PBRM1: variants seen among roughly 807,000 people sequenced by gnomAD.
The protein encoded by PBRM1 is protein polybromo-1.
In PBRM1, 27 loss-of-function variants were observed where a neutral mutation model predicts 194.5. That is an observed-to-expected ratio of 0.14 (90% confidence interval 0.10 to 0.19). The LOEUF is 0.19. PBRM1 is among the 10% of genes least tolerant of loss of function. The pLI is 1.00. For missense variants in PBRM1, 1,466 were observed against 2,077.2 expected (o/e 0.71, Z 5.72); for synonymous variants, 655 against 693.2 (o/e 0.94, Z 0.87).
intron 6 of PBRM1, among the ~76,000 whole-genome samples, chr3:52,649,501 G>A (rs1014053857): frequency 2.6e-5 from 4 of 152,214 alleles, no homozygotes; most frequent in African/African-American, 4.8e-5. Flanking sequence ...CAAAGAGGCT[G>A]TGCATGATCT....
At chr3:52,564,940 T>G (rs909564095) in intron 22 of PBRM1, among the ~76,000 whole-genome samples, 2 of 152,190 alleles carry the variant, frequency 1.3e-5, no homozygotes, top group Non-Finnish European at 2.9e-5. Context: ...GGCTCATGCC[T>G]GTAATCCCAG....
chr3:52,636,789 A>T (rs896756619), intron 10 of PBRM1, among the ~76,000 whole-genome samples: 6 of 145,762 alleles, frequency 4.1e-5, no homozygotes, highest in African/African-American at 7.6e-5. Flanking sequence ...AAAAAAAAGA[A>T]TTTAATTAGG....
chr3:52,582,774 G>A (rs2091568799), intron 20 of PBRM1, among the ~76,000 whole-genome samples: 1 of 151,838 alleles, frequency 6.6e-6, no homozygotes, highest in African/African-American at 2.4e-5. Context: ...ACTACCATTG[G>A]AGCATATTCT....
intron 20 of PBRM1, 100 bp downstream of exon 22, chr3:52,586,325 T>C: frequency 6.0e-6 from 6 of 995,086 alleles, no homozygotes; most frequent in Non-Finnish European, 9.0e-6. Flanking sequence ...AGGTTTTGTG[T>C]TGTTGCTCTT....
intron 11 of PBRM1, 56 bp downstream of exon 12, chr3:52,634,546 G>T: frequency 8.8e-7 from 1 of 1,133,864 alleles, no homozygotes; most frequent in Non-Finnish European, 1.3e-6. Context: ...TACATTATGT[G>T]CAGGCTCAGC....
intron 11 of PBRM1, among the ~76,000 whole-genome samples, chr3:52,630,343 A>G (rs1162114573): frequency 6.6e-6 from 1 of 152,166 alleles, no homozygotes; most frequent in Non-Finnish European, 1.5e-5. Context: ...TCCTTCTGCC[A>G]ATAGATCTTC....
At chr3:52,594,201 G>A (rs1258252835) in intron 17 of PBRM1, among the ~76,000 whole-genome samples, 1 of 152,116 alleles carries the variant, frequency 6.6e-6, no homozygotes, top group Non-Finnish European at 1.5e-5. Flanking sequence ...TTTTTATTGT[G>A]TGGGAGTGTA....
intron 3 of PBRM1, among the ~76,000 whole-genome samples, chr3:52,664,106 T>C (rs2096780527): frequency 6.7e-6 from 1 of 150,112 alleles, no homozygotes; most frequent in African/African-American, 2.4e-5. Context: ...CCTGTAGTCC[T>C]AGCTACTTAG....
chr3:52,568,569 T>A (rs1055829144), intron 22 of PBRM1, among the ~76,000 whole-genome samples: 8 of 152,186 alleles, frequency 5.3e-5, no homozygotes, highest in Non-Finnish European at 1.0e-4. Flanking sequence ...TCTTTTGGTA[T>A]CTTTGTTGTT....
chr3:52,626,131 T>C (rs1174728392), intron 13 of PBRM1, among the ~76,000 whole-genome samples: 1 of 152,198 alleles, frequency 6.6e-6, no homozygotes, highest in Non-Finnish European at 1.5e-5. Context: ...GCAGTAGAGT[T>C]ACATATTTAC....
chr3:52,669,699 T>A (rs1360631379), intron 2 of PBRM1, among the ~76,000 whole-genome samples: 2 of 152,220 alleles, frequency 1.3e-5, no homozygotes, highest in Non-Finnish European at 2.9e-5. Context: ...AAATTATTTT[T>A]AAATTTGTAT....
At chr3:52,682,809 G>A (rs1352032698), upstream of PBRM1, among the ~76,000 whole-genome samples, 2 of 152,142 alleles carry the variant, frequency 1.3e-5, no homozygotes, top group African/African-American at 4.8e-5. Flanking sequence ...GGTCATGCCT[G>A]TAATCCCAGC....
upstream of PBRM1, among the ~76,000 whole-genome samples, chr3:52,684,061 G>A (rs563524764): frequency 6.6e-6 from 1 of 151,076 alleles, no homozygotes; most frequent in Admixed American, 6.6e-5. Context: ...CCAGCTACTT[G>A]GGATGCTGAG....
At position 52,658,321 on chromosome 3, in the gene PBRM1, A is replaced by G; in HGVS notation, c.529-6T>C. On this transcript the variant is annotated splice_region_variant and splice_polypyrimidine_tract_variant and intron_variant, in intron 4 of 29. Coordinates refer to ENST00000296302, the Ensembl canonical transcript of PBRM1. ...TTCAAGTAAGCTGGAGAAGACTGGTAATGTGGAGAAAAAAGTACTTTCTAA... is the reference window on the plus strand; with the variant it reads ...TTCAAGTAAGCTGGAGAAGACTGGTGATGTGGAGAAAAAAGTACTTTCTAA... 6.8e-7 allele frequency: 1 copy of G among 1,480,016 alleles called. No individual in the cohort carries two copies. Among genetic ancestry groups the G allele is most frequent in the Non-Finnish European group, 9.4e-7 (1 of 1,059,654 alleles). 91.7% of individuals were successfully genotyped at this position (1,480,016 alleles called of 1,614,324 possible). A position where few individuals can be genotyped will look rare whatever the true frequency, so the allele number is the denominator to read the frequency against.
intron 9 of PBRM1, 45 bp downstream of exon 10, chr3:52,643,203 T>C (rs767231448): frequency 5.1e-6 from 7 of 1,364,880 alleles, no homozygotes; most frequent in Non-Finnish European, 7.3e-6. Flanking sequence ...ATGCCTATCT[T>C]TATAAGCACA....
At chr3:52,568,948 G>C (rs1406676311) in intron 22 of PBRM1, among the ~76,000 whole-genome samples, 1 of 152,118 alleles carries the variant, frequency 6.6e-6, no homozygotes, top group Admixed American at 6.5e-5. Flanking sequence ...GCAGTGGTGA[G>C]ATGACAGCTG....
intron 21 of PBRM1, among the ~76,000 whole-genome samples, chr3:52,578,010 T>G (rs1015027278): frequency 2.6e-5 from 4 of 152,150 alleles, no homozygotes; most frequent in African/African-American, 9.7e-5. Context: ...TGGCTCACTC[T>G]CCTACTAACA....
chr3:52,666,484 C>T (rs925563778), intron 3 of PBRM1, among the ~76,000 whole-genome samples: 3 of 151,552 alleles, frequency 2.0e-5, no homozygotes, highest in African/African-American at 7.3e-5. Flanking sequence ...TGCAGTGAGC[C>T]GAGATCGCGC....
At chr3:52,567,561 A>T (rs2085653799) in intron 22 of PBRM1, among the ~76,000 whole-genome samples, 1 of 125,228 alleles carries the variant, frequency 8.0e-6, no homozygotes, top group Non-Finnish European at 1.7e-5. Flanking sequence ...TTGATAGGTA[A>T]TCTCAAAAAA....
Sources: gnomAD v4.1 joint callset for allele counts (sites outside exome capture counted in the v4.1 genomes callset) on GRCh38, gnomAD v4.1.1 for gene constraint, MANE v1.5 for transcripts, NCBI Gene and HGNC (gene_info 2026-07-23, HGNC 2026-07-21) for gene names.